Variants in CEACAM1 observed in about 807,000 individuals in gnomAD.
The protein encoded by CEACAM1 is cell adhesion molecule CEACAM1.
A neutral mutation model predicts 49.1 loss-of-function variants in CEACAM1; 31 were observed. That is an observed-to-expected ratio of 0.63 (90% CI 0.47 to 0.85). The LOEUF is 0.85. Among genes scored for constraint, CEACAM1 ranks in the 40% least tolerant of loss-of-function variants. CEACAM1 has a pLI of 0.00. For missense variants in CEACAM1, 570 were observed against 645.3 expected (o/e 0.88, Z 1.26); for synonymous variants, 244 against 247.8 (o/e 0.98, Z 0.14).
rs1408011121 is a variant in CEACAM1 at position 42,528,370 on chromosome 19, C to A, written c.5G>T (p.Gly2Val). 1.2e-6 allele frequency: 2 copies of A among 1,613,710 alleles called. No homozygotes were observed. Among genetic ancestry groups the A allele is most frequent in the Admixed American group, 3.3e-5 (2 of 59,904 alleles). Reference protein sequence around the residue: MGHLSAPLHRVR... With the variant: MVHLSAPLHRVR... ...TCTGTGAAGTGGGGCTGAGAGGTGC[C>A]CCATGGTGTCTCCTGCTGGCCCTGT... Residue 2 changes from glycine (G) to valine (V), a missense_variant, in exon 1 of 9, where the codon GGG (glycine) becomes GTG (valine). Transcript: ENST00000161559.
At chr19:42,527,512 T>A in intron 1 of CEACAM1, 112 bp from the exon 2 acceptor site, 13 of 928,478 alleles carry the variant, frequency 1.4e-5, no homozygotes, top group Admixed American at 5.4e-5. Flanking sequence ...GGAGTGTGTG[T>A]GTGTGTGTGT....
At chr19:42,515,711 G>T (rs10404589) in intron 5 of CEACAM1, among the ~76,000 whole-genome samples, 15,663 of 152,112 alleles carry the variant, frequency 0.1, 2,668 homozygotes, top group African/African-American at 0.35. Flanking sequence ...ATTGACAACT[G>T]TTAATTAGAT....
chr19:42,527,504 A>AGAGTGTGTGT lies in CEACAM1; in HGVS notation c.65-105_65-104insACACACACTC, dbSNP rs1360275105. 8 of 715,560 alleles carry AGAGTGTGTGT rather than the reference A, an allele frequency of 1.1e-5. No homozygotes were observed. In the South Asian group the frequency reaches 2.1e-4, roughly 19 times the overall value. The allele number at this position is 715,560 out of a possible 1,614,324, so 44.3% of individuals were successfully genotyped here. ...AGGTGTCTTCACCCCTCCACCTTGGAGTGTGTGTGTGTGTGTGTGTGTGTG... is the reference window on the plus strand; with the variant it reads ...AGGTGTCTTCACCCCTCCACCTTGGAGAGTGTGTGTGTGTGTGTGTGTGTGTGTGTGTGTG... On this transcript the variant is annotated intron_variant, in intron 1 of 8. Transcript: ENST00000161559.
Position 42,507,425 on chromosome 19 carries a change from T to C in CEACAM1, c.*1684A>G, listed in dbSNP as rs1255537566. ...AGCACAGCATGGATGAGGGAAAGTA[T>C]GCACAGTCCGTGTCAGGGTTAGAAA... On this transcript the variant is annotated 3_prime_UTR_variant, in exon 9 of 9. Transcript: ENST00000161559. The C allele has an allele frequency of 2.6e-5, 4 of 152,134 alleles. No homozygotes were observed. Among genetic ancestry groups the C allele is most frequent in the African/African-American group, 9.7e-5 (4 of 41,420 alleles). 9.4% of individuals were successfully genotyped at this position (152,134 alleles called of 1,614,324 possible). A position where few individuals can be genotyped will look rare whatever the true frequency, so the allele number is the denominator to read the frequency against.
chr19:42,527,203 G>C lies in CEACAM1; in HGVS notation c.262C>G (p.Gln88Glu). 3 of 1,614,084 alleles carry C rather than the reference G, an allele frequency of 1.9e-6. No homozygotes were observed. The highest frequency in any genetic ancestry group is 2.5e-6 in the Non-Finnish European group (3 of 1,179,980). Residue 88 changes from glutamine (Q) to glutamate (E), a missense_variant, in exon 2 of 9, where the codon CAA (glutamine) becomes GAA (glutamate). Physicochemically the swap from Gln to Glu is conservative, Grantham distance 29. Transcript: ENST00000161559. ...QIVGYAIGTQQATPGPANSGR... is the reference protein window; with the variant it reads ...QIVGYAIGTQEATPGPANSGR... Reference sequence around the variant, plus strand: ...CTGTTTGCGGGCCCTGGGGTAGCTTGTTGAGTTCCTATTGCATATCCTACA... The same window carrying C: ...CTGTTTGCGGGCCCTGGGGTAGCTTCTTGAGTTCCTATTGCATATCCTACA...
intron 4 of CEACAM1, 156 bp downstream of exon 4, chr19:42,521,111 T>C (rs1009505196): frequency 2.5e-6 from 2 of 793,974 alleles, no homozygotes; most frequent in Non-Finnish European, 4.2e-6. Context: ...GGGAAGAGAG[T>C]CTGCACAGAT....
chr19:42,522,387 G>C (rs2147797949), intron 2 of CEACAM1, among the ~76,000 whole-genome samples, 185 bp from the exon 3 acceptor site: 1 of 152,216 alleles, frequency 6.6e-6, no homozygotes, highest in South Asian at 2.1e-4. Context: ...CAATTCTCCT[G>C]CCTCAGCTTC....
In CEACAM1 at chr19:42,519,028, T is replaced by G; in HGVS notation, c.1166A>C (p.Glu389Ala). 1 of 1,533,590 alleles carries G rather than the reference T, an allele frequency of 6.5e-7. No homozygotes were observed. The highest frequency in any genetic ancestry group is 8.8e-7 in the Non-Finnish European group (1 of 1,130,102). 95.0% of individuals were successfully genotyped at this position (1,533,590 alleles called of 1,614,324 possible). ...CTCACACCAATACGTCCCAGCATCC[T>G]CCCTCTTGACAGGGTTTATGCTGAG... is the stretch of plus-strand genomic sequence containing the variant. ...TTLSINPVKREDAGTYWCEVF... is the reference protein window; with the variant it reads ...TTLSINPVKRADAGTYWCEVF... Residue 389 changes from glutamate to alanine, a missense_variant, in exon 5 of 9, where the codon GAG (glutamate) becomes GCG (alanine). Transcript: ENST00000161559.
At chr19:42,514,755 A>G (rs1320678146) in intron 5 of CEACAM1, among the ~76,000 whole-genome samples, 1 of 152,200 alleles carries the variant, frequency 6.6e-6, no homozygotes, top group Non-Finnish European at 1.5e-5. Context: ...TGTCAGGTAG[A>G]CATTATTTCC....
intron 4 of CEACAM1, chr19:42,520,806 T>C (rs2041726104): frequency 5.6e-6 from 1 of 178,220 alleles, no homozygotes; most frequent in Admixed American, 5.4e-5. Flanking sequence ...GGGAGCAGAG[T>C]CTGAGCTGCT....
In CEACAM1 at chr19:42,521,391, C is replaced by T; in HGVS notation, c.834G>A (p.Gln278=). The change falls in exon 4 of 9, where the codon CAG becomes CAA. Residue 278 remains glutamine, a synonymous_variant. Transcript: ENST00000161559. Reference sequence around the variant, plus strand: ...GGATAAAGAGCTCTTGTGTGCTTTGCTGGAATGTTCCATTGATAAGCCAGG... The same window carrying T: ...GGATAAAGAGCTCTTGTGTGCTTTGTTGGAATGTTCCATTGATAAGCCAGG... ...QYSWLINGTF[Q]QSTQELFIPN... The T allele has an allele frequency of 6.2e-7, 1 of 1,614,182 alleles. No homozygotes were observed. Among genetic ancestry groups the T allele is most frequent in the Non-Finnish European group, 8.5e-7 (1 of 1,180,040 alleles).
At chr19:42,520,713 TG>T (rs1241042508) in intron 4 of CEACAM1, 11 of 154,858 alleles carry the variant, frequency 7.1e-5, no homozygotes, top group African/African-American at 2.2e-4. Flanking sequence ...ACAGGCCACC[TG>T]GACACCTTCT....
intron 2 of CEACAM1, among the ~76,000 whole-genome samples, chr19:42,524,404 C>T (rs1448252843): frequency 1.3e-5 from 2 of 152,208 alleles, no homozygotes; most frequent in African/African-American, 4.8e-5. Flanking sequence ...GGACTGCAGA[C>T]CTGTCCTTCT....
At chr19:42,528,189 C>G in intron 1 of CEACAM1, 122 bp downstream of exon 1, 6 of 729,294 alleles carry the variant, frequency 8.2e-6, no homozygotes, top group Non-Finnish European at 1.2e-5. Flanking sequence ...TTCATGTCCT[C>G]TCTCCTATTT....
chr19:42,509,909 G>A (rs769710091), intron 8 of CEACAM1, among the ~76,000 whole-genome samples: 13 of 152,134 alleles, frequency 8.5e-5, no homozygotes, highest in Non-Finnish European at 1.8e-4. Flanking sequence ...TTACAGGTGT[G>A]AGCCACTGCA....
chr19:42,521,511 G>C lies in CEACAM1; in HGVS notation c.714C>G (p.Asp238Glu), dbSNP rs1440105391. 2 of 1,613,770 alleles carry C rather than the reference G, an allele frequency of 1.2e-6. No homozygotes were observed. Among genetic ancestry groups the C allele is most frequent in the Non-Finnish European group, 1.7e-6 (2 of 1,179,840 alleles). The change falls in exon 4 of 9, where the codon GAC (aspartate) becomes GAG (glutamate). Residue 238 changes from aspartate to glutamate, a missense_variant. Physicochemically the swap from Asp to Glu is conservative, Grantham distance 45. Transcript: ENST00000161559. ...PVTLNVTYGPDTPTISPSDTY... is the reference protein window; with the variant it reads ...PVTLNVTYGPETPTISPSDTY... ...TGTCTGAAGGGGAAATGGTGGGGGT[G>C]TCCGGGCCATCTGGAGCAAAGAGAA...
At chr19:42,513,107 C>T (rs2041502921) in intron 5 of CEACAM1, among the ~76,000 whole-genome samples, 1 of 152,176 alleles carries the variant, frequency 6.6e-6, no homozygotes, top group South Asian at 2.1e-4. Context: ...CCACCTTTTT[C>T]GTGGTTGCAT....
At chr19:42,511,040 C>A in intron 7 of CEACAM1, 120 bp from the exon 8 acceptor site, 1 of 906,868 alleles carries the variant, frequency 1.1e-6, no homozygotes, top group African/African-American at 1.6e-5. Flanking sequence ...AAGGAATTTA[C>A]TTCCCTCAGA....
chr19:42,510,859 A>C, intron 8 of CEACAM1, 30 bp downstream of exon 8: 1 of 1,590,604 alleles, frequency 6.3e-7, no homozygotes, highest in Non-Finnish European at 8.6e-7. Flanking sequence ...TCCATGAGAA[A>C]ATAAGCCCAT....
Sources: gnomAD v4.1 joint callset for allele counts (sites outside exome capture counted in the v4.1 genomes callset) on GRCh38, gnomAD v4.1.1 for gene constraint, MANE v1.5 for transcripts, NCBI Gene and HGNC (gene_info 2026-07-23, HGNC 2026-07-21) for gene names.